Variants in RGS12 observed in about 807,000 individuals in gnomAD.
RGS12 encodes regulator of G protein signaling 12, also known as regulator of G-protein signaling 12.
Under a neutral mutation model 120.1 loss-of-function variants are expected in RGS12, and 66 were observed. That is an observed-to-expected ratio of 0.55 (90% CI 0.45 to 0.67). RGS12 has a LOEUF of 0.67. Ranked by LOEUF, RGS12 falls within the 30% of genes least tolerant of loss-of-function variation. RGS12 has a pLI of 0.00. For missense variants in RGS12, 1,859 were observed against 1,957.7 expected (o/e 0.95, Z 0.95); for synonymous variants, 827 against 804.7 (o/e 1.03, Z -0.47).
At position 3,316,077 on chromosome 4, in the gene RGS12, T is replaced by C; in HGVS notation, c.-94T>C. 7.5e-7 allele frequency: 1 copy of C among 1,336,592 alleles called. No homozygotes were observed. The highest frequency in any genetic ancestry group is 1.0e-6 in the Non-Finnish European group (1 of 981,152). 82.8% of individuals were successfully genotyped at this position (1,336,592 alleles called of 1,614,324 possible). A position where few individuals can be genotyped will look rare whatever the true frequency, so the allele number is the denominator to read the frequency against. ...TTCGTTTTTCTTTCTTAGGGCACTGTTTGAAGAAGCAAACATGGTAGCATC... is the reference window on the plus strand; with the variant it reads ...TTCGTTTTTCTTTCTTAGGGCACTGCTTGAAGAAGCAAACATGGTAGCATC... On this transcript the variant is annotated 5_prime_UTR_variant, in exon 2 of 18. Coordinates refer to ENST00000336727, the MANE Select transcript of RGS12 (RefSeq NM_001394154.1).
At chr4:3,421,830 T>C (rs997129731) in intron 10 of RGS12, among the ~76,000 whole-genome samples, 18 of 152,298 alleles carry the variant, frequency 1.2e-4, no homozygotes, top group African/African-American at 4.1e-4. Context: ...GGGGCACAGA[T>C]ACAGGGAAGG....
intron 3 of RGS12, among the ~76,000 whole-genome samples, chr4:3,383,631 T>A (rs1250234027): frequency 6.6e-6 from 1 of 152,098 alleles, no homozygotes; most frequent in Non-Finnish European, 1.5e-5. Flanking sequence ...ATCTCTCTAC[T>A]GTCTTTAAAA....
intron 2 of RGS12, 36 bp from the exon 3 acceptor site, chr4:3,342,901 A>G (rs769268275): frequency 1.7e-5 from 24 of 1,421,760 alleles, no homozygotes; most frequent in Non-Finnish European, 2.3e-5. Context: ...TCTCTTTGCA[A>G]AAGAATAACC....
intron 2 of RGS12, among the ~76,000 whole-genome samples, chr4:3,320,244 A>G (rs1294837778): frequency 1.3e-5 from 2 of 152,308 alleles, no homozygotes; most frequent in East Asian, 1.9e-4. Flanking sequence ...TGTCGTCCCC[A>G]TCCCACCAGT....
At chr4:3,413,786 C>T (rs944554353) in intron 4 of RGS12, 76 of 385,226 alleles carry the variant, frequency 2.0e-4, no homozygotes, top group East Asian at 3.1e-4. Flanking sequence ...TATGAGTGTG[C>T]GTGCAAGGGT....
chr4:3,342,911 C>G (rs756137322), intron 2 of RGS12, 26 bp from the exon 3 acceptor site: 1 of 1,474,308 alleles, frequency 6.8e-7, no homozygotes, highest in Non-Finnish European at 9.5e-7. Flanking sequence ...AAAGAATAAC[C>G]TGATGCCTTT....
At chr4:3,328,597 A>G (rs1051954521) in intron 2 of RGS12, among the ~76,000 whole-genome samples, 2 of 152,188 alleles carry the variant, frequency 1.3e-5, no homozygotes, top group Non-Finnish European at 2.9e-5. Flanking sequence ...ACCTAGTCTC[A>G]GGTATTCAGT....
chr4:3,375,139 G>T (rs1717503285), intron 3 of RGS12, among the ~76,000 whole-genome samples: 1 of 152,312 alleles, frequency 6.6e-6, no homozygotes, highest in Non-Finnish European at 1.5e-5. Flanking sequence ...GAGACAGGAG[G>T]CTCAGAGACC....
chr4:3,420,178 C>T (rs1163605558), intron 9 of RGS12, among the ~76,000 whole-genome samples: 3 of 152,172 alleles, frequency 2.0e-5, no homozygotes, highest in Non-Finnish European at 4.4e-5. Context: ...GTCTGGAGGC[C>T]GCATCCGGCT....
At chr4:3,400,918 T>A (rs927855983) in intron 4 of RGS12, among the ~76,000 whole-genome samples, 1 of 151,774 alleles carries the variant, frequency 6.6e-6, no homozygotes, top group Non-Finnish European at 1.5e-5. Flanking sequence ...ATGTTCTCTA[T>A]CTCAGCAACT....
At chr4:3,329,348 C>T (rs1711572026) in intron 2 of RGS12, among the ~76,000 whole-genome samples, 1 of 152,076 alleles carries the variant, frequency 6.6e-6, no homozygotes, top group Non-Finnish European at 1.5e-5. Flanking sequence ...GGAGTGGGGT[C>T]AGGGCAAGGG....
chr4:3,420,594 A>G (rs755194290), intron 9 of RGS12, 48 bp from the exon 10 acceptor site: 2 of 1,592,458 alleles, frequency 1.3e-6, no homozygotes, highest in South Asian at 1.1e-5. Flanking sequence ...ATGTGACCGA[A>G]TAAACAGGGT....
chr4:3,323,021 ACCTGC>A (rs1466857923), intron 2 of RGS12, among the ~76,000 whole-genome samples: 3 of 152,236 alleles, frequency 2.0e-5, no homozygotes, highest in South Asian at 2.1e-4. Context: ...AGATAGTGGT[ACCTGC>A]ATCACCTGAA....
At position 3,414,218 on chromosome 4, in the gene RGS12, C is replaced by A; in HGVS notation, c.2167C>A (p.Pro723Thr). 6.5e-7 allele frequency: 1 copy of A among 1,545,808 alleles called. No individual in the cohort carries two copies. The highest frequency in any genetic ancestry group is 2.4e-5 in the East Asian group (1 of 41,310). Residue 723 changes from proline (P) to threonine (T), a missense_variant, in exon 5 of 18, where the codon CCC (proline) becomes ACC (threonine). By Grantham distance (38) the Pro-to-Thr change is conservative. Around this residue, in one of 3 missense-constraint regions of RGS12, gnomAD observed 967 missense variants for 994.2 expected, o/e 0.97. Coordinates refer to ENST00000336727, the MANE Select transcript of RGS12 (RefSeq NM_001394154.1). Reference sequence around the variant, plus strand: ...GTCCTTTGAGCGCCTGCTGCAGGACCCCGTCGGTGTCCGCTACTTCTCTGT... The same window carrying A: ...GTCCTTTGAGCGCCTGCTGCAGGACACCGTCGGTGTCCGCTACTTCTCTGT... Reference protein sequence around the residue: ...AVSFERLLQDPVGVRYFSDFL... With the variant: ...AVSFERLLQDTVGVRYFSDFL...
intron 4 of RGS12, among the ~76,000 whole-genome samples, chr4:3,397,995 T>G (rs1292170302): frequency 2.0e-5 from 3 of 152,230 alleles, no homozygotes. Flanking sequence ...GTGGGTCTCA[T>G]TTCTCTCATC....
chr4:3,383,266 C>A (rs953143219), intron 3 of RGS12, among the ~76,000 whole-genome samples: 1 of 152,090 alleles, frequency 6.6e-6, no homozygotes, highest in Admixed American at 6.6e-5. Context: ...TTCCTCGTCT[C>A]TTTTCAGGGA....
rs1333035959 is a variant in RGS12, at chr4:3,431,296, T to A, written c.4114+341T>A. The A allele has an allele frequency of 2.6e-6, 3 of 1,150,168 alleles. No individual in the cohort carries two copies. In the African/African-American group the frequency reaches 4.9e-5, roughly 19 times the overall value. 71.2% of individuals were successfully genotyped at this position (1,150,168 alleles called of 1,614,324 possible). On this transcript the variant is annotated intron_variant, in intron 17 of 17. Transcript: ENST00000336727. ...GTTTCCGAAAATGGAGGCATTCCTTTCCAAATCTGGACAGCGATCGTTTTT... is the reference window on the plus strand; with the variant it reads ...GTTTCCGAAAATGGAGGCATTCCTTACCAAATCTGGACAGCGATCGTTTTT...
intron 4 of RGS12, among the ~76,000 whole-genome samples, chr4:3,404,238 C>T (rs1336020376): frequency 6.6e-6 from 1 of 152,216 alleles, no homozygotes; most frequent in East Asian, 1.9e-4. Context: ...TGCTCAAGGC[C>T]ATGTGATCAA....
intron 10 of RGS12, among the ~76,000 whole-genome samples, chr4:3,421,708 G>A (rs1723037669): frequency 6.6e-6 from 1 of 152,242 alleles, no homozygotes; most frequent in Non-Finnish European, 1.5e-5. Flanking sequence ...AGTGAGCAGA[G>A]TAAGGACGGC....
Sources: gnomAD v4.1 joint callset for allele counts (sites outside exome capture counted in the v4.1 genomes callset) on GRCh38, gnomAD v4.1.1 for gene constraint, gnomAD v4.1.1 regional missense constraint, MANE v1.5 for transcripts, NCBI Gene and HGNC (gene_info 2026-07-23, HGNC 2026-07-21) for gene names.